The following RPH3A variants were observed in gnomAD, a reference collection of about 807,000 sequenced individuals.
RPH3A encodes the protein rabphilin 3A.
Under a neutral mutation model 102.2 loss-of-function variants are expected in RPH3A, and 48 were observed. The observed-to-expected ratio is 0.47, with a 90% CI of 0.37 to 0.60. The LOEUF is 0.60. Ranked by LOEUF, RPH3A falls within the 20% of genes least tolerant of loss-of-function variation. The probability of loss-of-function intolerance (pLI) is 0.00; values close to 1 mark genes in which losing one functional copy is unlikely to be tolerated. For missense variants in RPH3A, 781 were observed against 910.1 expected (o/e 0.86, Z 1.83); for synonymous variants, 310 against 324.3 (o/e 0.96, Z 0.47).
At chr12:112,869,128 C>A (rs765083078) in intron 8 of RPH3A, 1 of 153,252 alleles carries the variant, frequency 6.5e-6, no homozygotes, top group African/African-American at 2.4e-5. Context: ...GAGGGAGAAG[C>A]AAAACAGTAA....
rs2040214468 is a variant in RPH3A at position 112,679,847 on chromosome 12, A to G, written c.-140+104528A>G. ...GGGGGTGGAGAGGTGGGCAAAACCCATGGGAACAAACAAGTAAGCAATGAT... is the reference window on the plus strand; with the variant it reads ...GGGGGTGGAGAGGTGGGCAAAACCCGTGGGAACAAACAAGTAAGCAATGAT... On this transcript the variant is annotated intron_variant, in intron 1 of 21. Transcript: ENST00000543106. Among the ~76,000 whole-genome samples, 3 of 152,242 alleles carry G rather than the reference A, an allele frequency of 2.0e-5. No individual in the cohort carries two copies. In the South Asian group the frequency reaches 6.2e-4, roughly 32 times the overall value.
intron 16 of RPH3A, among the ~76,000 whole-genome samples, chr12:112,884,938 G>A (rs1393034593): frequency 6.6e-6 from 1 of 151,972 alleles, no homozygotes; most frequent in East Asian, 1.9e-4. Flanking sequence ...AATTTTGTCT[G>A]TTTTTGTACT....
intron 1 of RPH3A, among the ~76,000 whole-genome samples, chr12:112,678,303 A>AAGAGAGAGAGAGAG (rs772237822): frequency 1.0e-4 from 5 of 50,198 alleles, no homozygotes; most frequent in African/African-American, 3.4e-4. Context: ...GAAAGAAAGA[A>AAGAGAGAGAGAGAG]AGAGAGAGAG....
intron 1 of RPH3A, among the ~76,000 whole-genome samples, chr12:112,610,879 A>T (rs1324709394): frequency 6.6e-6 from 1 of 152,082 alleles, no homozygotes; most frequent in Admixed American, 6.6e-5. Context: ...CTTGTGATCC[A>T]CCCACCTTGG....
chr12:112,883,945 C>G (rs146256829), intron 16 of RPH3A, among the ~76,000 whole-genome samples: 6 of 152,196 alleles, frequency 3.9e-5, no homozygotes, highest in Admixed American at 1.3e-4. Context: ...GGGGCTATTA[C>G]AAATAGTGCT....
chr12:112,727,969 T>C (rs1016579742), intron 1 of RPH3A, among the ~76,000 whole-genome samples: 2 of 152,110 alleles, frequency 1.3e-5, no homozygotes, highest in Admixed American at 6.5e-5. Flanking sequence ...GTCCAGTATA[T>C]AAAAACCCAT....
At chr12:112,858,416 C>T (rs2042449579) in intron 5 of RPH3A, among the ~76,000 whole-genome samples, 1 of 152,040 alleles carries the variant, frequency 6.6e-6, no homozygotes, top group Non-Finnish European at 1.5e-5. Flanking sequence ...GTGGTCCCTG[C>T]CATCTCTCCA....
chr12:112,791,631 C>G (rs1399025474), upstream of RPH3A: 1 of 152,044 alleles, frequency 6.6e-6, no homozygotes, highest in East Asian at 1.9e-4. Context: ...CCTCCCCTCC[C>G]GGCCTCCCAC....
At chr12:112,691,615 A>G (rs1454144900) in intron 1 of RPH3A, among the ~76,000 whole-genome samples, 3 of 152,222 alleles carry the variant, frequency 2.0e-5, no homozygotes, top group Admixed American at 2.0e-4. Context: ...TCAACTGGAC[A>G]CTATGTACCT....
chr12:112,653,361 C>A (rs1406392021), intron 1 of RPH3A, among the ~76,000 whole-genome samples: 3 of 143,938 alleles, frequency 2.1e-5, no homozygotes, highest in Non-Finnish European at 3.0e-5. Flanking sequence ...CACAGCGAGA[C>A]TCCATCTAAA....
intron 1 of RPH3A, among the ~76,000 whole-genome samples, chr12:112,615,920 G>T (rs1445214123): frequency 1.3e-5 from 2 of 152,126 alleles, no homozygotes; most frequent in Non-Finnish European, 2.9e-5. Context: ...GCTCAATAAG[G>T]TTTTATCTAT....
chr12:112,786,420 G>A (rs756683603), intron 1 of RPH3A, among the ~76,000 whole-genome samples: 9 of 152,168 alleles, frequency 5.9e-5, no homozygotes, highest in Middle Eastern at 3.4e-3. Context: ...TCTCTGTTTC[G>A]TTTACTTGTT....
chr12:112,688,981 T>G (rs978227758), intron 1 of RPH3A, among the ~76,000 whole-genome samples: 1 of 152,230 alleles, frequency 6.6e-6, no homozygotes, highest in Non-Finnish European at 1.5e-5. Context: ...GACTAAAATT[T>G]AGATCTTTTA....
rs1088311 is a variant in RPH3A at position 112,622,821 on chromosome 12, A to G, written c.-140+47502A>G. ...GGCAGCCAGAGAGAAAGGTCGGGTT[A>G]CCCTCAAAGGGAAGCCCATCAGACT... On this transcript the variant is annotated intron_variant, in intron 1 of 21. Coordinates refer to the RPH3A transcript ENST00000543106. Among the ~76,000 whole-genome samples the G allele has an allele frequency of 4.3e-3, 575 of 135,290 alleles. 2 individuals carry two copies. Among genetic ancestry groups the G allele is most frequent in the Non-Finnish European group, 7.4e-3 (465 of 62,888 alleles). 88.8% of individuals were successfully genotyped at this position (135,290 alleles called of 152,430 possible).
chr12:112,756,913 C>T (rs555733112), intron 1 of RPH3A, among the ~76,000 whole-genome samples: 1 of 152,300 alleles, frequency 6.6e-6, no homozygotes, highest in East Asian at 1.9e-4. Context: ...ATTAACCTTT[C>T]CAATTTTTGC....
chr12:112,637,713 T>A (rs191005152), intron 1 of RPH3A, among the ~76,000 whole-genome samples: 1 of 152,124 alleles, frequency 6.6e-6, no homozygotes, highest in African/African-American at 2.4e-5. Context: ...CATATTATGT[T>A]ACCTTTTCCA....
rs3037266 is a variant in RPH3A at position 112,752,968 on chromosome 12, C to CTT, written c.-139-39156_-139-39155dup. On this transcript the variant is annotated intron_variant, in intron 1 of 21. Coordinates refer to the RPH3A transcript ENST00000543106. ...GTACATTTGGGTGGTGTCCAGTTTT[C>CTT]TTTTTTTTTTTTTTTTTTTTGCTGT... Among the ~76,000 whole-genome samples the CTT allele has an allele frequency of 8.5e-3, 1,009 of 118,846 alleles. 17 individuals carry two copies. The highest frequency in any genetic ancestry group is 0.031 in the African/African-American group (952 of 30,392). 78.0% of individuals were successfully genotyped at this position (118,846 alleles called of 152,430 possible). A position where few individuals can be genotyped will look rare whatever the true frequency, so the allele number is the denominator to read the frequency against.
At chr12:112,676,951 T>A (rs1218801174) in intron 1 of RPH3A, among the ~76,000 whole-genome samples, 1 of 152,174 alleles carries the variant, frequency 6.6e-6, no homozygotes, top group Non-Finnish European at 1.5e-5. Flanking sequence ...ATAAACACAC[T>A]CTGGCTAGCC....
At chr12:112,602,500 A>G (rs1364597466) in intron 1 of RPH3A, among the ~76,000 whole-genome samples, 1 of 152,212 alleles carries the variant, frequency 6.6e-6, no homozygotes, top group Non-Finnish European at 1.5e-5. Flanking sequence ...TAGAGGAAGG[A>G]GTGTTCTCAT....
Sources: allele counts gnomAD v4.1 joint callset (sites outside exome capture counted in the v4.1 genomes callset), GRCh38; gene constraint gnomAD v4.1.1; transcripts MANE v1.5; gene names NCBI Gene and HGNC (gene_info 2026-07-23, HGNC 2026-07-21).